The following UBE3D variants were observed in gnomAD, a reference collection of about 807,000 sequenced individuals.
UBE3D encodes ubiquitin protein ligase E3D.
A neutral mutation model predicts 49.6 loss-of-function variants in UBE3D; 48 were observed. That is an observed-to-expected ratio of 0.97 (90% CI 0.77 to 1.23). The LOEUF is 1.23. Ranked by LOEUF, UBE3D falls within the 50% of genes most tolerant of loss-of-function variation. UBE3D has a pLI of 0.00. For synonymous variants in UBE3D, 189 were observed against 174.2 expected, an observed-to-expected ratio of 1.08 and a Z score of -0.67; for missense variants, 452 against 468.4, an observed-to-expected ratio of 0.96 and a Z score of 0.32.
chr6:83,049,418 G>A (rs1460816477), intron 3 of UBE3D, among the ~76,000 whole-genome samples: 3 of 152,106 alleles, frequency 2.0e-5, no homozygotes, highest in African/African-American at 4.8e-5. Flanking sequence ...ATATTATTAC[G>A]TACATAGTAT....
intron 8 of UBE3D, among the ~76,000 whole-genome samples, chr6:83,004,417 T>C (rs917299107): frequency 2.0e-5 from 3 of 152,138 alleles, no homozygotes; most frequent in Non-Finnish European, 4.4e-5. Flanking sequence ...CTAACTGAAG[T>C]TATTTCTCTT....
intron 9 of UBE3D, among the ~76,000 whole-genome samples, chr6:82,924,431 A>AT (rs1339057708): frequency 2.0e-5 from 3 of 152,160 alleles, no homozygotes; most frequent in Admixed American, 1.3e-4. Context: ...AGAACAATTT[A>AT]TTTTTTGTAT....
At chr6:82,884,435 C>A in the UBE3D span, among the ~76,000 whole-genome samples, 1 of 151,978 alleles carries the variant, frequency 6.6e-6, no homozygotes, top group African/African-American at 2.4e-5. Flanking sequence ...CAGAAGGCAC[C>A]CTAGACATAA....
At chr6:82,917,856 G>A (rs1472585792) in intron 9 of UBE3D, among the ~76,000 whole-genome samples, 1 of 152,188 alleles carries the variant, frequency 6.6e-6, no homozygotes, top group Non-Finnish European at 1.5e-5. Context: ...ACTCTGCCTT[G>A]TCTTTTGGAG....
chr6:82,965,583 C>CAAAAAAAAAAAAAAAAAAAAAA (rs35257086), intron 8 of UBE3D, among the ~76,000 whole-genome samples: 1 of 86,360 alleles, frequency 1.2e-5, no homozygotes, highest in Non-Finnish European at 2.3e-5. Flanking sequence ...AACTCCATCT[C>CAAAAAAAAAAAAAAAAAAAAAA]AAAAAAAAAA....
At chr6:82,888,050 GA>G (rs1212052761), downstream of UBE3D, among the ~76,000 whole-genome samples, 20 of 151,922 alleles carry the variant, frequency 1.3e-4, no homozygotes, top group East Asian at 3.5e-3. Flanking sequence ...GGTTTCCAGT[GA>G]AAAAAGAGAG....
intron 8 of UBE3D, among the ~76,000 whole-genome samples, chr6:82,961,825 G>A (rs534797581): frequency 1.6e-4 from 24 of 152,030 alleles, no homozygotes; most frequent in Non-Finnish European, 3.2e-4. Context: ...AGCCAGGCAT[G>A]GTGATGCATG....
At chr6:83,051,947 G>A (rs546895362) in intron 3 of UBE3D, among the ~76,000 whole-genome samples, 1 of 152,180 alleles carries the variant, frequency 6.6e-6, no homozygotes, top group South Asian at 2.1e-4. Flanking sequence ...ACATGTCAAC[G>A]TTTATTCAAT....
chr6:82,892,231 C>T (rs2127708917), downstream of UBE3D, among the ~76,000 whole-genome samples: 1 of 152,272 alleles, frequency 6.6e-6, no homozygotes, highest in South Asian at 2.1e-4. Context: ...GCTCCAGTCC[C>T]AGCTTTGATC....
intron 8 of UBE3D, among the ~76,000 whole-genome samples, chr6:82,958,708 C>T (rs1279590065): frequency 6.6e-6 from 1 of 152,176 alleles, no homozygotes; most frequent in East Asian, 1.9e-4. Flanking sequence ...CCTCCAACCC[C>T]CTTTTAGCTC....
chr6:83,039,506 A>G (rs1448012172), intron 4 of UBE3D, among the ~76,000 whole-genome samples: 1 of 152,224 alleles, frequency 6.6e-6, no homozygotes, highest in African/African-American at 2.4e-5. Flanking sequence ...TGATGTCTGA[A>G]TCTGGGTCTC....
intron 8 of UBE3D, among the ~76,000 whole-genome samples, chr6:83,004,774 T>A (rs145547237): frequency 9.4e-4 from 143 of 152,310 alleles, no homozygotes; most frequent in African/African-American, 3.2e-3. Flanking sequence ...AAAATCAGTA[T>A]AATTAACCTT....
chr6:83,008,409 A>C (rs1780125523), intron 8 of UBE3D, among the ~76,000 whole-genome samples: 1 of 152,208 alleles, frequency 6.6e-6, no homozygotes, highest in Admixed American at 6.5e-5. Context: ...GTGATATATG[A>C]AATAAATTAT....
intron 3 of UBE3D, among the ~76,000 whole-genome samples, chr6:83,050,374 A>G (rs1183212261): frequency 1.3e-5 from 2 of 152,178 alleles, no homozygotes; most frequent in East Asian, 3.9e-4. Context: ...GCACTCTAAC[A>G]GGTTTATCTA....
intron 9 of UBE3D, among the ~76,000 whole-genome samples, chr6:82,912,090 C>G (rs1046526493): frequency 6.6e-6 from 1 of 151,854 alleles, no homozygotes; most frequent in Non-Finnish European, 1.5e-5. Context: ...AGGATTAGAA[C>G]CCATTCTTTG....
chr6:82,915,813 G>A (rs1339231607), intron 9 of UBE3D, among the ~76,000 whole-genome samples: 1 of 152,196 alleles, frequency 6.6e-6, no homozygotes, highest in Non-Finnish European at 1.5e-5. Flanking sequence ...CACTTGAGCA[G>A]CTGTTAGTCA....
chr6:82,899,935 C>T (rs1771607190), intron 9 of UBE3D, among the ~76,000 whole-genome samples: 1 of 152,116 alleles, frequency 6.6e-6, no homozygotes, highest in Admixed American at 6.5e-5. Context: ...CTCTGAAGCA[C>T]AAAACATTTG....
At chr6:82,950,157 A>T (rs1173850074) in intron 9 of UBE3D, among the ~76,000 whole-genome samples, 1 of 152,224 alleles carries the variant, frequency 6.6e-6, no homozygotes, top group Non-Finnish European at 1.5e-5. Context: ...GAGCTCAAAC[A>T]ACTCTATAGG....
In UBE3D at chr6:83,044,450, G is replaced by A. The variant is rs142920762; in HGVS notation, c.575C>T (p.Ser192Phe). 5 of 1,613,950 alleles carry A rather than the reference G, an allele frequency of 3.1e-6. No individual in the cohort carries two copies. The highest frequency in any genetic ancestry group is 4.2e-6 in the Non-Finnish European group (5 of 1,179,968). ...ELSPVEMCCV[S>F]SDNHCKLEPK... The stretch of plus-strand genomic sequence containing the variant: ...TACCAATTTACAATGGTTGTCAGAA[G>A]AAACACAGCACATCTCCACTGGGGA... Residue 192 changes from serine to phenylalanine, a missense_variant, in exon 4 of 10, where the codon TCT (serine) becomes TTT (phenylalanine). Physicochemically the swap from Ser to Phe is radical, Grantham distance 155. Transcript: ENST00000369747.
Sources: gnomAD v4.1 joint callset for allele counts (sites outside exome capture counted in the v4.1 genomes callset) on GRCh38, gnomAD v4.1.1 for gene constraint, MANE v1.5 for transcripts, NCBI Gene and HGNC (gene_info 2026-07-23, HGNC 2026-07-21) for gene names.